SLC6A2: variants seen among roughly 807,000 people sequenced by gnomAD.
SLC6A2 encodes the protein sodium-dependent noradrenaline transporter.
Under a neutral mutation model 71.7 loss-of-function variants are expected in SLC6A2, and 26 were observed. The ratio of observed to expected loss-of-function variants is 0.36; its 90% CI spans 0.27 to 0.50. The LOEUF (loss-of-function observed/expected upper bound fraction) is 0.50, where lower values mean the gene tolerates loss of function less well. Ranked by LOEUF, SLC6A2 falls within the 20% of genes least tolerant of loss-of-function variation. SLC6A2 has a pLI of 0.96. For missense variants in SLC6A2, 581 were observed against 803.9 expected, an observed-to-expected ratio of 0.72 and a Z score of 3.35; for synonymous variants, 363 against 337.9, an observed-to-expected ratio of 1.07 and a Z score of -0.82.
At chr16:55,660,002 A>C (rs530866514) in intron 2 of SLC6A2, among the ~76,000 whole-genome samples, 3 of 152,258 alleles carry the variant, frequency 2.0e-5, no homozygotes, top group African/African-American at 7.2e-5. Context: ...TGTTAATGTC[A>C]TTATGATGAT....
intron 4 of SLC6A2, among the ~76,000 whole-genome samples, chr16:55,676,206 C>T (rs1295153141): frequency 1.3e-5 from 2 of 152,166 alleles, no homozygotes; most frequent in African/African-American, 4.8e-5. Flanking sequence ...GCAGCCCTCC[C>T]AGAGGATCTG....
intron 4 of SLC6A2, among the ~76,000 whole-genome samples, chr16:55,674,479 C>A (rs1479611471): frequency 6.6e-6 from 1 of 151,718 alleles, no homozygotes. Flanking sequence ...GGCTGGAGTG[C>A]AGTGGTGTGA....
At position 55,705,143 on chromosome 16, in the gene SLC6A2, A is replaced by T. The variant is rs932589556; in HGVS notation, c.*2797A>T. 9.6e-7 allele frequency: 1 copy of T among 1,046,860 alleles called. No individual in the cohort carries two copies. The highest frequency in any genetic ancestry group is 1.6e-5 in the African/African-American group (1 of 62,632). 64.8% of individuals were successfully genotyped at this position (1,046,860 alleles called of 1,614,324 possible). ...TATTTTTCATGAAATGTAAAATATCAGTTTGAGAACATCACATTTACGTCT... is the reference window on the plus strand; with the variant it reads ...TATTTTTCATGAAATGTAAAATATCTGTTTGAGAACATCACATTTACGTCT... On this transcript the variant is annotated 3_prime_UTR_variant, in exon 15 of 15. Coordinates refer to ENST00000568943, the MANE Select transcript of SLC6A2 (RefSeq NM_001172501.3).
intron 9 of SLC6A2, 74 bp from the exon 10 acceptor site, chr16:55,697,823 G>A (rs8047672): frequency 0.18 from 280,388 of 1,571,616 alleles, 26,358 homozygotes; most frequent in African/African-American, 0.26. Context: ...GGAGGCTCTA[G>A]GAACCCTGGG....
At chr16:55,702,300 G>A (rs771959668) in intron 14 of SLC6A2, 23 bp from the exon 15 acceptor site, 2 of 1,613,712 alleles carry the variant, frequency 1.2e-6, no homozygotes, top group Non-Finnish European at 8.5e-7. Flanking sequence ...ATGTCATCAA[G>A]TCCTCGCTGT....
At chr16:55,692,932 T>G (rs1417329945) in intron 6 of SLC6A2, among the ~76,000 whole-genome samples, 3 of 152,210 alleles carry the variant, frequency 2.0e-5, no homozygotes, top group African/African-American at 7.2e-5. Flanking sequence ...TGAATCAGCC[T>G]CGTAAATTGC....
chr16:55,696,920 G>A (rs1431484948), intron 9 of SLC6A2, among the ~76,000 whole-genome samples: 1 of 152,172 alleles, frequency 6.6e-6, no homozygotes. Context: ...GGAGTTGGAG[G>A]CTGCAGTGAG....
chr16:55,696,440 G>A (rs1965801787), intron 9 of SLC6A2, 103 bp downstream of exon 9: 1 of 776,588 alleles, frequency 1.3e-6, no homozygotes. Context: ...TCAAACACCA[G>A]GTTAACAGTT....
chr16:55,661,375 C>G (rs1964605522), intron 2 of SLC6A2, among the ~76,000 whole-genome samples: 1 of 152,200 alleles, frequency 6.6e-6, no homozygotes, highest in African/African-American at 2.4e-5. Context: ...CTTTGCTGAT[C>G]TGAGCTTCAG....
intron 5 of SLC6A2, among the ~76,000 whole-genome samples, chr16:55,690,465 C>T (rs1965581598): frequency 6.6e-6 from 1 of 152,148 alleles, no homozygotes; most frequent in Non-Finnish European, 1.5e-5. Flanking sequence ...TTTCCACTTT[C>T]CCCTTAGGGA....
chr16:55,676,735 T>C (rs1965101225), intron 4 of SLC6A2, among the ~76,000 whole-genome samples: 1 of 152,258 alleles, frequency 6.6e-6, no homozygotes, highest in South Asian at 2.1e-4. Flanking sequence ...CTTTCTATAC[T>C]ACATTTTAAT....
At chr16:55,681,227 A>G (rs1965261321) in intron 4 of SLC6A2, among the ~76,000 whole-genome samples, 1 of 152,218 alleles carries the variant, frequency 6.6e-6, no homozygotes. Context: ...GATATTCTGT[A>G]ACTCAGCCCT....
At chr16:55,693,249 C>T (rs1189514529) in intron 6 of SLC6A2, among the ~76,000 whole-genome samples, 3 of 152,054 alleles carry the variant, frequency 2.0e-5, no homozygotes, top group Admixed American at 1.3e-4. Flanking sequence ...TAGCGGGGCA[C>T]GGTGGCACGC....
At chr16:55,666,793 T>G (rs1964761801) in intron 2 of SLC6A2, among the ~76,000 whole-genome samples, 1 of 152,210 alleles carries the variant, frequency 6.6e-6, no homozygotes, top group Non-Finnish European at 1.5e-5. Flanking sequence ...CAAAGTGAGA[T>G]GCCTGGTTAA....
At chr16:55,660,185 G>A (rs1964572864) in intron 2 of SLC6A2, among the ~76,000 whole-genome samples, 1 of 152,086 alleles carries the variant, frequency 6.6e-6, no homozygotes, top group Non-Finnish European at 1.5e-5. Context: ...GTGCACCTGG[G>A]GCAGGAATGT....
intron 7 of SLC6A2, among the ~76,000 whole-genome samples, chr16:55,694,777 G>A (rs1258438509): frequency 6.6e-6 from 1 of 152,196 alleles, no homozygotes; most frequent in Non-Finnish European, 1.5e-5. Flanking sequence ...TTTGAGATGA[G>A]CCTTGGAGGA....
intron 2 of SLC6A2, among the ~76,000 whole-genome samples, chr16:55,668,329 T>C (rs1178399642): frequency 6.6e-6 from 1 of 152,152 alleles, no homozygotes; most frequent in Non-Finnish European, 1.5e-5. Flanking sequence ...TCTTTGATCT[T>C]TGTGGTGAGG....
At chr16:55,672,253 A>G (rs1964945815) in intron 4 of SLC6A2, 78 bp downstream of exon 4, 1 of 1,612,786 alleles carries the variant, frequency 6.2e-7, no homozygotes, top group African/African-American at 1.3e-5. Context: ...AAGGAAAGTC[A>G]CAGACCAAGG....
chr16:55,668,861 G>T (rs141359176), intron 2 of SLC6A2, among the ~76,000 whole-genome samples: 17 of 152,282 alleles, frequency 1.1e-4, no homozygotes, highest in African/African-American at 3.6e-4. Flanking sequence ...TGGGGACCTA[G>T]TGGGTCACAA....
Sources: gnomAD v4.1 joint callset for allele counts (sites outside exome capture counted in the v4.1 genomes callset) on GRCh38, gnomAD v4.1.1 for gene constraint, MANE v1.5 for transcripts, NCBI Gene and HGNC (gene_info 2026-07-23, HGNC 2026-07-21) for gene names.